SHFL: variants seen among roughly 807,000 people sequenced by gnomAD.
The protein encoded by SHFL is shiftless antiviral inhibitor of ribosomal frameshifting protein.
SHFL carries 12 observed loss-of-function variants against 34.7 expected under a neutral mutation model. The observed-to-expected ratio is 0.35, with a 90% CI of 0.22 to 0.56. The LOEUF is 0.56. Among genes scored for constraint, SHFL ranks in the 20% least tolerant of loss-of-function variants. SHFL has a pLI of 0.88. For missense variants in SHFL, 278 were observed against 411.1 expected (o/e 0.68, Z 2.80); for synonymous variants, 148 against 156.0 (o/e 0.95, Z 0.38).
chr19:10,086,680 C>T lies in SHFL; in HGVS notation c.21+232C>T. 2 of 599,202 alleles carry T rather than the reference C, an allele frequency of 3.3e-6. No individual in the cohort carries two copies. Among genetic ancestry groups the T allele is most frequent in the Non-Finnish European group, 5.7e-6 (2 of 349,598 alleles). The allele number at this position is 599,202 out of a possible 1,614,324, so 37.1% of individuals were successfully genotyped here. A position where few individuals can be genotyped will look rare whatever the true frequency, so the allele number is the denominator to read the frequency against. On this transcript the variant is annotated intron_variant, in intron 1 of 7. Coordinates refer to ENST00000253110, the MANE Select transcript of SHFL (RefSeq NM_018381.4). The surrounding 1 kb of genome is among the most constrained non-coding windows in gnomAD (Gnocchi z 5.2). ...GGGCTGCAGGGTCAAAGGTCAGAGG[C>T]CAGAGATAACCTGGCCGCCCCCCCA...
At position 10,092,981 on chromosome 19, in the gene SHFL, T is replaced by A; in HGVS notation, c.*679T>A. The A allele has an allele frequency of 2.0e-6, 1 of 508,878 alleles. No homozygotes were observed. The highest frequency in any genetic ancestry group is 3.4e-6 in the Non-Finnish European group (1 of 293,480). The allele number at this position is 508,878 out of a possible 1,614,324, so 31.5% of individuals were successfully genotyped here. ...AGAGTAATAGCCTTAATTCCTTCCC[T>A]ATCTCCTTACCAAAGTACAAGTCAC... On this transcript the variant is annotated 3_prime_UTR_variant, in exon 8 of 8. Coordinates refer to ENST00000253110, the MANE Select transcript of SHFL (RefSeq NM_018381.4).
chr19:10,090,895 A>G (rs8101501), intron 5 of SHFL, among the ~76,000 whole-genome samples: 21,428 of 150,598 alleles, frequency 0.14, 1,788 homozygotes, highest in African/African-American at 0.24. Context: ...GTGACAGAGC[A>G]AGACTCTGTC....
intron 3 of SHFL, chr19:10,089,415 G>A (rs772866013): frequency 2.5e-6 from 4 of 1,594,056 alleles, no homozygotes; most frequent in Non-Finnish European, 2.6e-6. Context: ...ACTCAGGCAA[G>A]CCCTCCCCTA....
rs2088432451 is a variant in SHFL at position 10,093,042 on chromosome 19, C to T, written c.*740C>T. The T allele has an allele frequency of 2.1e-6, 1 of 485,660 alleles. No homozygotes were observed. 30.1% of individuals were successfully genotyped at this position (485,660 alleles called of 1,614,324 possible). On this transcript the variant is annotated 3_prime_UTR_variant, in exon 8 of 8. Transcript: ENST00000253110. Reference sequence around the variant, plus strand: ...CCTTTTCTGCAAACTAGGAGTCTACCGTTCATTCCTTTATCAAAGAAAAGT... The same window carrying T: ...CCTTTTCTGCAAACTAGGAGTCTACTGTTCATTCCTTTATCAAAGAAAAGT...
At position 10,086,541 on chromosome 19, in the gene SHFL, C is replaced by A. The variant is rs1182746394; in HGVS notation, c.21+93C>A. Reference sequence around the variant, plus strand: ...GAGGGGGCTTCGCAGTTCCTGGGGACCCCCATCCTAGAACCCCAGATCCTT... The same window carrying A: ...GAGGGGGCTTCGCAGTTCCTGGGGAACCCCATCCTAGAACCCCAGATCCTT... On this transcript the variant is annotated intron_variant, in intron 1 of 7. Coordinates refer to ENST00000253110, the MANE Select transcript of SHFL (RefSeq NM_018381.4). This position sits in a 1 kb window ranked among gnomAD's most constrained non-coding sequence, Gnocchi z 5.2. 6.7e-6 allele frequency: 8 copies of A among 1,192,914 alleles called. No homozygotes were observed. In the Admixed American group the frequency reaches 1.2e-4, roughly 18 times the overall value. 73.9% of individuals were successfully genotyped at this position (1,192,914 alleles called of 1,614,324 possible).
At chr19:10,090,377 C>A in intron 5 of SHFL, 1 of 254,610 alleles carries the variant, frequency 3.9e-6, no homozygotes, top group Non-Finnish European at 7.7e-6. Flanking sequence ...TAGGGAGGAT[C>A]GCTTGAATTT....
chr19:10,090,039 C>T lies in SHFL; in HGVS notation c.376C>T (p.Arg126Trp), dbSNP rs754267270. The T allele has an allele frequency of 2.5e-6, 4 of 1,601,168 alleles. No individual in the cohort carries two copies. The highest frequency in any genetic ancestry group is 1.3e-5 in the African/African-American group (1 of 74,606). Residue 126 changes from arginine (R) to tryptophan (W), a missense_variant, in exon 5 of 8, where the codon CGG becomes TGG. By Grantham distance (101) the Arg-to-Trp change is moderately radical (BLOSUM62 -3). This residue lies in a region of SHFL where 243 missense variants were observed against 386.2 expected (regional missense o/e 0.63). Transcript: ENST00000253110. ...DHVWWRRVPQRKEVSRCRKCR... is the reference protein window; with the variant it reads ...DHVWWRRVPQWKEVSRCRKCR... The stretch of plus-strand genomic sequence containing the variant: ...CGTCTGGTGGCGCCGCGTGCCCCAG[C>T]GGAAGGAGGTGATGACCTAAAACTT...
Position 10,092,339 on chromosome 19 carries a change from G to A in SHFL, c.*37G>A. 1 of 1,550,752 alleles carries A rather than the reference G, an allele frequency of 6.4e-7. No homozygotes were observed. Among genetic ancestry groups the A allele is most frequent in the Non-Finnish European group, 8.7e-7 (1 of 1,148,500 alleles). On this transcript the variant is annotated 3_prime_UTR_variant, in exon 8 of 8. Coordinates refer to ENST00000253110, the MANE Select transcript of SHFL (RefSeq NM_018381.4). The stretch of plus-strand genomic sequence containing the variant: ...TGCAGATACAAACCAGACACGGTCT[G>A]TGGCTACTTTGTGTTATTATAAGAT...
At chr19:10,090,296 C>A in intron 5 of SHFL, 1 of 523,264 alleles carries the variant, frequency 1.9e-6, no homozygotes. Flanking sequence ...AATTGAACAG[C>A]TACTACAGAA....
In SHFL at chr19:10,092,742, G is replaced by A; in HGVS notation, c.*440G>A. 6.2e-7 allele frequency: 1 copy of A among 1,611,394 alleles called. No homozygotes were observed. Among genetic ancestry groups the A allele is most frequent in the Non-Finnish European group, 8.5e-7 (1 of 1,177,828 alleles). On this transcript the variant is annotated 3_prime_UTR_variant, in exon 8 of 8. Coordinates refer to ENST00000253110, the MANE Select transcript of SHFL (RefSeq NM_018381.4). ...TGAGGTTGGAGTGGGCACAGGCATG[G>A]TACCACCAGCCTCCCCGCTGGTACA...
At chr19:10,088,260 CAAAAA>C (rs71188880) in intron 3 of SHFL, 87 of 59,034 alleles carry the variant, frequency 1.5e-3, no homozygotes, top group Middle Eastern at 0.015. Context: ...AACTCTGTCT[CAAAAA>C]AAAAAAAAAA....
Position 10,086,584 on chromosome 19 carries a change from GC to G in SHFL, c.21+142del. On this transcript the variant is annotated intron_variant, in intron 1 of 7. Coordinates refer to ENST00000253110, the MANE Select transcript of SHFL (RefSeq NM_018381.4). The surrounding 1 kb of genome is among the most constrained non-coding windows in gnomAD (Gnocchi z 5.2). ...AGATCCTTACCCCTGCCTGGCGCTCGCCCCCCTTGAAAAGGAAAGTGACTCC... is the reference window on the plus strand; with the variant it reads ...AGATCCTTACCCCTGCCTGGCGCTCGCCCCCTTGAAAAGGAAAGTGACTCC... 1.1e-6 allele frequency: 1 copy of G among 884,992 alleles called. No homozygotes were observed. The highest frequency in any genetic ancestry group is 1.6e-6 in the Non-Finnish European group (1 of 639,650). 54.8% of individuals were successfully genotyped at this position (884,992 alleles called of 1,614,324 possible).
In SHFL at chr19:10,092,669, C is replaced by T. The variant is rs1366372112; in HGVS notation, c.*367C>T. The T allele has an allele frequency of 6.2e-7, 1 of 1,613,934 alleles. No individual in the cohort carries two copies. Among genetic ancestry groups the T allele is most frequent in the Non-Finnish European group, 8.5e-7 (1 of 1,179,942 alleles). Reference sequence around the variant, plus strand: ...CCACGAAACTCAGCCCAGTAGACACCATCCTGGTAGCGGCTTCGGTAGTGG... The same window carrying T: ...CCACGAAACTCAGCCCAGTAGACACTATCCTGGTAGCGGCTTCGGTAGTGG... On this transcript the variant is annotated 3_prime_UTR_variant, in exon 8 of 8. Coordinates refer to ENST00000253110, the MANE Select transcript of SHFL (RefSeq NM_018381.4).
chr19:10,089,853 G>T (rs770614665), intron 4 of SHFL, 45 bp from the exon 5 acceptor site: 3 of 1,598,980 alleles, frequency 1.9e-6, no homozygotes, highest in Non-Finnish European at 2.6e-6. Flanking sequence ...TGGTGCAGAA[G>T]GGGTGACACC....
In SHFL at chr19:10,087,192, G is replaced by A. The variant is rs2088302550; in HGVS notation, c.146-59G>A. 5 of 1,609,040 alleles carry A rather than the reference G, an allele frequency of 3.1e-6. No homozygotes were observed. In the South Asian group the frequency reaches 4.4e-5, roughly 14 times the overall value. On this transcript the variant is annotated intron_variant, in intron 2 of 7. Transcript: ENST00000253110. ...AGGCTCTGCGTCGCGGCTCTGGGTGGCCTGGAACTCCCACAGACCCTTCAA... is the reference window on the plus strand; with the variant it reads ...AGGCTCTGCGTCGCGGCTCTGGGTGACCTGGAACTCCCACAGACCCTTCAA...
chr19:10,093,214 CTT>C lies in SHFL; in HGVS notation c.*913_*914del, dbSNP rs2088438742. The C allele has an allele frequency of 8.1e-7, 1 of 1,241,942 alleles. No homozygotes were observed. Among genetic ancestry groups the C allele is most frequent in the East Asian group, 2.3e-5 (1 of 42,574 alleles). 76.9% of individuals were successfully genotyped at this position (1,241,942 alleles called of 1,614,324 possible). A position where few individuals can be genotyped will look rare whatever the true frequency, so the allele number is the denominator to read the frequency against. Reference sequence around the variant, plus strand: ...GGATAAAAGTCCTGACCTTTGTTCTCTTGACGGAATAAAAGCTTGCTTATCCT... The same window carrying C: ...GGATAAAAGTCCTGACCTTTGTTCTCGACGGAATAAAAGCTTGCTTATCCT... On this transcript the variant is annotated 3_prime_UTR_variant, in exon 8 of 8. Coordinates refer to ENST00000253110, the MANE Select transcript of SHFL (RefSeq NM_018381.4).
In SHFL at chr19:10,091,863, G is replaced by A. The variant is rs1307533376; in HGVS notation, c.644-207G>A. ...CTGCCCCCATGGTCTCTGGGTTTGG[G>A]GCCCCTGTTTTGTCCCCTGTAATCT... is the stretch of plus-strand genomic sequence containing the variant. On this transcript the variant is annotated intron_variant, in intron 7 of 7. Coordinates refer to ENST00000253110, the MANE Select transcript of SHFL (RefSeq NM_018381.4). This position sits in a 1 kb window ranked among gnomAD's most constrained non-coding sequence, Gnocchi z 8.2. 6 of 888,276 alleles carry A rather than the reference G, an allele frequency of 6.8e-6. No homozygotes were observed. The East Asian group carries it at 1.4e-4, about 20-fold the overall frequency. 55.0% of individuals were successfully genotyped at this position (888,276 alleles called of 1,614,324 possible).
At chr19:10,089,758 G>T in intron 4 of SHFL, 63 bp downstream of exon 4, 1 of 1,561,820 alleles carries the variant, frequency 6.4e-7, no homozygotes, top group Non-Finnish European at 8.7e-7. Flanking sequence ...AGGCACAGAA[G>T]GATGTCCATT....
At position 10,091,427 on chromosome 19, in the gene SHFL, C is replaced by T. The variant is rs1179247440; in HGVS notation, c.489-49C>T. On this transcript the variant is annotated intron_variant, in intron 6 of 7. Transcript: ENST00000253110. This position sits in a 1 kb window ranked among gnomAD's most constrained non-coding sequence, Gnocchi z 8.2. ...CCTGCCCCTCCCTGCCCTGGCCCCA[C>T]CCTGGCCCAGCCTCGCCCTCGGACC... 5 of 1,551,848 alleles carry T rather than the reference C, an allele frequency of 3.2e-6. No individual in the cohort carries two copies. Among genetic ancestry groups the T allele is most frequent in the Non-Finnish European group, 4.4e-6 (5 of 1,142,344 alleles).
Sources: gnomAD v4.1 joint callset for allele counts (sites outside exome capture counted in the v4.1 genomes callset) on GRCh38, gnomAD v4.1.1 for gene constraint, gnomAD v4.1.1 regional missense constraint, Gnocchi (gnomAD v3.1) non-coding constraint, MANE v1.5 for transcripts, NCBI Gene and HGNC (gene_info 2026-07-23, HGNC 2026-07-21) for gene names.